CKM: variants seen among roughly 807,000 people sequenced by gnomAD.
CKM encodes the protein creatine kinase M-type.
A neutral mutation model predicts 35.4 loss-of-function variants in CKM; 28 were observed. The observed-to-expected ratio is 0.79, with a 90% CI of 0.59 to 1.08. CKM has a LOEUF of 1.08. CKM is among the 50% of genes least tolerant of loss of function. CKM has a pLI of 0.00. For missense variants in CKM, 484 were observed against 509.8 expected, an observed-to-expected ratio of 0.95 and a Z score of 0.49; for synonymous variants, 215 against 204.4, an observed-to-expected ratio of 1.05 and a Z score of -0.44.
At chr19:45,316,207 G>A (rs2123141266) in intron 3 of CKM, among the ~76,000 whole-genome samples, 1 of 151,778 alleles carries the variant, frequency 6.6e-6, no homozygotes, top group South Asian at 2.1e-4. Flanking sequence ...GTGCGCGCCT[G>A]TAATCCCAGC....
intron 3 of CKM, among the ~76,000 whole-genome samples, chr19:45,316,549 T>A (rs12984728): frequency 6.6e-6 from 1 of 151,136 alleles, no homozygotes; most frequent in East Asian, 1.9e-4. Flanking sequence ...CTCTCCTGGC[T>A]TCACGTGATC....
Position 45,315,542 on chromosome 19 carries a change from C to A in CKM, c.404G>T (p.Arg135Leu). 1 of 1,602,804 alleles carries A rather than the reference C, an allele frequency of 6.2e-7. No individual in the cohort carries two copies. The highest frequency in any genetic ancestry group is 8.5e-7 in the Non-Finnish European group (1 of 1,179,952). The change falls in exon 4 of 8, where the codon CGC (arginine) becomes CTC (leucine). Residue 135 changes from arginine (R) to leucine (L), a missense_variant. Physicochemically the swap from Arg to Leu is moderately radical, Grantham distance 102. Coordinates refer to ENST00000221476, the MANE Select transcript of CKM (RefSeq NM_001824.5). ...YVLSSRVRTG[R>L]SIKGYTLPPH... is the part of the protein sequence containing the mutation. ...GGGCAACGTGTAGCCCTTGATGCTG[C>A]GGCCAGTGCGGACGCGGCTGCTGAG...
At chr19:45,310,153 G>C (rs554643028) in intron 5 of CKM, among the ~76,000 whole-genome samples, 2,963 of 111,530 alleles carry the variant, frequency 0.027, 45 homozygotes, top group Non-Finnish European at 0.038. Flanking sequence ...CAGAGTCTTG[G>C]TCTGTCGCCC....
chr19:45,317,279 TTTTA>T (rs889327816), intron 3 of CKM, among the ~76,000 whole-genome samples: 1 of 150,512 alleles, frequency 6.6e-6, no homozygotes, highest in African/African-American at 2.4e-5. Flanking sequence ...AGCTAATTTA[TTTTA>T]TTTATTTATT....
At chr19:45,308,716 C>T (rs1384341659) in intron 5 of CKM, among the ~76,000 whole-genome samples, 184 bp from the exon 6 acceptor site, 1 of 152,128 alleles carries the variant, frequency 6.6e-6, no homozygotes, top group Non-Finnish European at 1.5e-5. Context: ...ACAGGATCTG[C>T]AAAACGCTGA....
chr19:45,310,137 T>C (rs1971092671), intron 5 of CKM, among the ~76,000 whole-genome samples: 1 of 148,612 alleles, frequency 6.7e-6, no homozygotes, highest in South Asian at 2.2e-4. Context: ...TTTTTTTTTT[T>C]TGAGACAGAG....
At chr19:45,322,027 C>T (rs1367577437) in intron 1 of CKM, among the ~76,000 whole-genome samples, 2 of 152,108 alleles carry the variant, frequency 1.3e-5, no homozygotes, top group Admixed American at 6.5e-5. Flanking sequence ...CCCCACATTC[C>T]GGGGCTCGGC....
At chr19:45,308,843 T>A (rs344794) in intron 5 of CKM, among the ~76,000 whole-genome samples, 150,883 of 152,254 alleles carry the variant, frequency 0.99, 74,763 homozygotes, top group East Asian at 1. Flanking sequence ...TAACACTTGG[T>A]AATCCTACAT....
intron 3 of CKM, 64 bp downstream of exon 3, chr19:45,317,761 C>A: frequency 6.5e-7 from 1 of 1,544,390 alleles, no homozygotes; most frequent in South Asian, 1.1e-5. Context: ...CTGTCTCCCC[C>A]CATTTCTCCT....
intron 1 of CKM, among the ~76,000 whole-genome samples, chr19:45,320,424 G>A (rs1880794302): frequency 6.6e-6 from 1 of 152,238 alleles, no homozygotes; most frequent in Admixed American, 6.5e-5. Context: ...ACAGCAGCAA[G>A]AGAACTGGGC....
chr19:45,322,028 G>T (rs557909542), intron 1 of CKM, among the ~76,000 whole-genome samples: 1 of 151,370 alleles, frequency 6.6e-6, no homozygotes, highest in African/African-American at 2.4e-5. Context: ...CCCACATTCC[G>T]GGGCTCGGCT....
intron 5 of CKM, among the ~76,000 whole-genome samples, chr19:45,309,227 CAAAA>C (rs59133395): frequency 3.7e-5 from 3 of 80,746 alleles, no homozygotes; most frequent in Non-Finnish European, 2.2e-5. Flanking sequence ...GACTCCATCT[CAAAA>C]AAAAAAAAAA....
At chr19:45,315,328 T>G in intron 4 of CKM, 137 bp downstream of exon 4, 1 of 992,436 alleles carries the variant, frequency 1.0e-6, no homozygotes, top group Non-Finnish European at 1.5e-6. Flanking sequence ...CCCGCGCCAT[T>G]CCCCAAGCCC....
chr19:45,310,415 T>C (rs913760103), intron 5 of CKM, among the ~76,000 whole-genome samples: 13 of 152,274 alleles, frequency 8.5e-5, no homozygotes, highest in Admixed American at 5.2e-4. Flanking sequence ...CCACCGCGCC[T>C]GGCCCAGGCA....
At chr19:45,311,189 A>G (rs1285313632) in intron 5 of CKM, among the ~76,000 whole-genome samples, 6 of 150,614 alleles carry the variant, frequency 4.0e-5, no homozygotes, top group South Asian at 2.1e-4. Flanking sequence ...AAGTGCTGGG[A>G]TTACAGGTGT....
In CKM at chr19:45,319,539, T is replaced by C. The variant is rs759754446; in HGVS notation, c.175A>G (p.Thr59Ala). Residue 59 changes from threonine (T) to alanine (A), a missense_variant, in exon 2 of 8, where the codon ACA becomes GCA. Transcript: ENST00000221476. ...GGCTCACCTGGGTTGTCCACTCCTG[T>C]CTGGATGACATCGTCTACAGTGAAG... ...SGFTVDDVIQ[T>A]GVDNPGHPFI... is the part of the protein sequence containing the mutation. 1.9e-6 allele frequency: 3 copies of C among 1,614,046 alleles called. No individual in the cohort carries two copies. Among genetic ancestry groups the C allele is most frequent in the Non-Finnish European group, 2.5e-6 (3 of 1,179,980 alleles).
intron 7 of CKM, among the ~76,000 whole-genome samples, chr19:45,307,232 A>T (rs1312450622): frequency 2.0e-5 from 3 of 152,148 alleles, no homozygotes; most frequent in Non-Finnish European, 4.4e-5. Context: ...GCCCCGAGGG[A>T]GGTCCAAGGG....
chr19:45,307,057 G>C, intron 7 of CKM, 129 bp from the exon 8 acceptor site: 1 of 866,400 alleles, frequency 1.2e-6, no homozygotes, highest in Non-Finnish European at 1.9e-6. Flanking sequence ...CCTGCACACA[G>C]GTAATGCCTG....
chr19:45,308,667 C>A, intron 5 of CKM, 135 bp from the exon 6 acceptor site: 1 of 1,092,282 alleles, frequency 9.2e-7, no homozygotes, highest in East Asian at 2.4e-5. Context: ...CATCTGCCTC[C>A]TCAAAACGCA....
Sources: allele counts gnomAD v4.1 joint callset (sites outside exome capture counted in the v4.1 genomes callset), GRCh38; gene constraint gnomAD v4.1.1; transcripts MANE v1.5; gene names NCBI Gene and HGNC (gene_info 2026-07-23, HGNC 2026-07-21).